Variants in PIK3CB observed in about 807,000 individuals in gnomAD.
PIK3CB encodes phosphatidylinositol-4,5-bisphosphate 3-kinase catalytic subunit beta, also known as phosphatidylinositol 4,5-bisphosphate 3-kinase catalytic subunit beta isoform.
Under a neutral mutation model 136.8 loss-of-function variants are expected in PIK3CB, and 39 were observed. That is an observed-to-expected ratio of 0.29 (90% CI 0.22 to 0.37). The LOEUF (loss-of-function observed/expected upper bound fraction) is 0.37. Ranked by LOEUF, PIK3CB falls within the 10% of genes least tolerant of loss-of-function variation. PIK3CB has a pLI of 1.00. For synonymous variants in PIK3CB, 428 were observed against 436.6 expected, an observed-to-expected ratio of 0.98 and a Z score of 0.25; for missense variants, 868 against 1,275.4, an observed-to-expected ratio of 0.68 and a Z score of 4.87.
intron 1 of PIK3CB, among the ~76,000 whole-genome samples, chr3:138,814,996 C>T (rs774950470): frequency 6.6e-5 from 10 of 151,370 alleles, no homozygotes; most frequent in Non-Finnish European, 5.9e-5. Context: ...AGAAATTAGC[C>T]GGGCATGGTG....
chr3:138,665,266 G>C (rs953910873), intron 19 of PIK3CB, 63 bp from the exon 20 acceptor site: 3 of 1,258,122 alleles, frequency 2.4e-6, no homozygotes, highest in Non-Finnish European at 3.2e-6. Flanking sequence ...AATTTGGTAA[G>C]ATTTTCCCTT....
At chr3:138,675,511 T>C (rs2043625982) in intron 19 of PIK3CB, among the ~76,000 whole-genome samples, 1 of 152,138 alleles carries the variant, frequency 6.6e-6, no homozygotes, top group African/African-American at 2.4e-5. Context: ...AGGCATATTA[T>C]AATCGAACTG....
chr3:138,766,470 A>G (rs1210540787), intron 2 of PIK3CB, among the ~76,000 whole-genome samples: 3 of 152,226 alleles, frequency 2.0e-5, no homozygotes, highest in African/African-American at 7.2e-5. Flanking sequence ...AAGGCTAAGT[A>G]TCTTTCTTGT....
chr3:138,807,967 T>G (rs1020631246), intron 1 of PIK3CB, among the ~76,000 whole-genome samples: 2 of 151,900 alleles, frequency 1.3e-5, no homozygotes, highest in African/African-American at 2.4e-5. Context: ...CTTGATCTCC[T>G]CATAAACTCG....
At chr3:138,832,926 C>T (rs1461918103) in intron 1 of PIK3CB, among the ~76,000 whole-genome samples, 1 of 150,838 alleles carries the variant, frequency 6.6e-6, no homozygotes, top group Admixed American at 6.6e-5. Context: ...GCAGGAGGAT[C>T]GCTTGAACCC....
chr3:138,691,017 A>G lies in PIK3CB; in HGVS notation c.2019T>C (p.Phe673=). The G allele has an allele frequency of 1.2e-6, 2 of 1,612,016 alleles. No individual in the cohort carries two copies. The highest frequency in any genetic ancestry group is 1.7e-6 in the Non-Finnish European group (2 of 1,179,252). ...RALGNRRIGQ[F]LFWHLRSEVH... is the part of the protein sequence containing the mutation. ...AGACTTACCTAAGATGCCAAAATAG[A>G]AACTGCCCTATCCTCCGATTACCAA... The change falls in exon 15 of 24, where the codon TTT becomes TTC. Residue 673 remains phenylalanine (F), a synonymous_variant. Coordinates refer to ENST00000674063, the MANE Select transcript of PIK3CB (RefSeq NM_006219.3).
At chr3:138,800,437 T>C (rs2046159152) in intron 1 of PIK3CB, among the ~76,000 whole-genome samples, 1 of 151,766 alleles carries the variant, frequency 6.6e-6, no homozygotes, top group Non-Finnish European at 1.5e-5. Context: ...ATCCTCCCAC[T>C]TCAGCCTCTT....
At chr3:138,656,354 C>T (rs1459464125) in intron 22 of PIK3CB, 80 bp from the exon 23 acceptor site, 1 of 1,420,020 alleles carries the variant, frequency 7.0e-7, no homozygotes, top group Non-Finnish European at 9.7e-7. Flanking sequence ...TAAGAAAACA[C>T]AGCTAGACTT....
At chr3:138,785,013 G>A (rs1183337910) in intron 2 of PIK3CB, among the ~76,000 whole-genome samples, 2 of 151,852 alleles carry the variant, frequency 1.3e-5, no homozygotes, top group African/African-American at 2.4e-5. Flanking sequence ...GCCCCGTCTG[G>A]GAAGTGAGGA....
chr3:138,787,983 T>C (rs2046000576), intron 2 of PIK3CB, among the ~76,000 whole-genome samples: 2 of 150,740 alleles, frequency 1.3e-5, no homozygotes, highest in South Asian at 4.2e-4. Context: ...AGTATAGTGG[T>C]ATGACCTCGG....
At chr3:138,773,774 A>T (rs2108770216) in intron 2 of PIK3CB, among the ~76,000 whole-genome samples, 1 of 152,136 alleles carries the variant, frequency 6.6e-6, no homozygotes, top group East Asian at 1.9e-4. Flanking sequence ...GTTATTCCAA[A>T]TGGATATATG....
At chr3:138,676,361 T>C (rs2043643836) in intron 19 of PIK3CB, among the ~76,000 whole-genome samples, 1 of 152,200 alleles carries the variant, frequency 6.6e-6, no homozygotes, top group Non-Finnish European at 1.5e-5. Context: ...CTTTGTACAT[T>C]GCTGGTTGGA....
chr3:138,666,275 A>G (rs73229553), intron 19 of PIK3CB, among the ~76,000 whole-genome samples: 123 of 152,102 alleles, frequency 8.1e-4, no homozygotes, highest in Non-Finnish European at 1.2e-3. Context: ...GCTCAAGGCA[A>G]TCCTCCCTCC....
chr3:138,689,142 T>C (rs1025236568), intron 15 of PIK3CB, among the ~76,000 whole-genome samples, 168 bp from the exon 16 acceptor site: 1 of 152,210 alleles, frequency 6.6e-6, no homozygotes, highest in African/African-American at 2.4e-5. Context: ...TCTCACTCTG[T>C]TGCCCAGGCT....
intron 9 of PIK3CB, 51 bp from the exon 10 acceptor site, chr3:138,712,355 G>A (rs1354643966): frequency 3.9e-6 from 3 of 772,090 alleles, no homozygotes; most frequent in Non-Finnish European, 6.3e-6. Context: ...ACTTTAAGGT[G>A]TAAACATGCA....
intron 1 of PIK3CB, among the ~76,000 whole-genome samples, chr3:138,807,551 T>G (rs1016393357): frequency 6.6e-6 from 1 of 152,062 alleles, no homozygotes; most frequent in Non-Finnish European, 1.5e-5. Flanking sequence ...TTAGATGCAC[T>G]ATGGTACATC....
At chr3:138,728,830 A>C (rs1330004191) in intron 8 of PIK3CB, among the ~76,000 whole-genome samples, 1 of 152,056 alleles carries the variant, frequency 6.6e-6, no homozygotes, top group Non-Finnish European at 1.5e-5. Context: ...ATCATCTCAA[A>C]AAATGCAGAA....
chr3:138,715,133 T>A (rs1240725435), intron 8 of PIK3CB, among the ~76,000 whole-genome samples: 1 of 152,210 alleles, frequency 6.6e-6, no homozygotes, highest in Non-Finnish European at 1.5e-5. Context: ...TAGGAAAGAA[T>A]GAATGGATGA....
chr3:138,815,162 A>T (rs4894326), intron 1 of PIK3CB, among the ~76,000 whole-genome samples: 927 of 61,996 alleles, frequency 0.015, 14 homozygotes, highest in African/African-American at 0.02. Context: ...AAAAAAAAAA[A>T]ATATATATAT....
Sources: gnomAD v4.1 joint callset for allele counts (sites outside exome capture counted in the v4.1 genomes callset) on GRCh38, gnomAD v4.1.1 for gene constraint, MANE v1.5 for transcripts, NCBI Gene and HGNC (gene_info 2026-07-23, HGNC 2026-07-21) for gene names.